MYO1D: variants seen among roughly 807,000 people sequenced by gnomAD.
MYO1D encodes myosin ID.
A neutral mutation model predicts 122.0 loss-of-function variants in MYO1D; 83 were observed. The observed-to-expected ratio is 0.68, with a 90% confidence interval of 0.57 to 0.82. MYO1D has a LOEUF of 0.82. Ranked by LOEUF, MYO1D falls within the 40% of genes least tolerant of loss-of-function variation. The probability of loss-of-function intolerance (pLI) is 0.00; values close to 1 mark genes in which losing one functional copy is unlikely to be tolerated. For synonymous variants in MYO1D, 464 were observed against 446.9 expected (o/e 1.04, Z -0.48); for missense variants, 1,157 against 1,269.5 (o/e 0.91, Z 1.35).
chr17:32,564,172 G>A (rs62062500), intron 21 of MYO1D, among the ~76,000 whole-genome samples: 16,991 of 152,266 alleles, frequency 0.11, 1,039 homozygotes, highest in South Asian at 0.18. Flanking sequence ...CTGCCTGGGG[G>A]CAGTAAGCAG....
chr17:32,534,347 T>A lies in MYO1D; in HGVS notation c.2865-39432A>T, dbSNP rs138085915. Reference sequence around the variant, plus strand: ...ATACCCACCTAATTTTTTAATTTTTTATTTTTATAGAGATAAGGTCTTGCT... The same window carrying A: ...ATACCCACCTAATTTTTTAATTTTTAATTTTTATAGAGATAAGGTCTTGCT... On this transcript the variant is annotated intron_variant, in intron 21 of 21. Coordinates refer to ENST00000318217, the MANE Select transcript of MYO1D (RefSeq NM_015194.3). Among the ~76,000 whole-genome samples the A allele has an allele frequency of 4.4e-3, 671 of 152,278 alleles. 7 individuals carry two copies. Among genetic ancestry groups the A allele is most frequent in the African/African-American group, 0.014 (585 of 41,548 alleles).
chr17:32,665,650 C>A (rs2088626585), intron 16 of MYO1D, among the ~76,000 whole-genome samples: 1 of 152,176 alleles, frequency 6.6e-6, no homozygotes, highest in Admixed American at 6.6e-5. Flanking sequence ...TGTATTGCAC[C>A]TGTTACCTCT....
At position 32,658,973 on chromosome 17, in the gene MYO1D, C is replaced by G. The variant is rs540668581; in HGVS notation, c.2345+142G>C. The G allele has an allele frequency of 3.1e-4, 261 of 839,758 alleles. No homozygotes were observed. The African/African-American group carries it at 4.3e-3, about 14-fold the overall frequency. The allele number at this position is 839,758 out of a possible 1,614,324, so 52.0% of individuals were successfully genotyped here. On this transcript the variant is annotated intron_variant, in intron 17 of 21. Coordinates refer to ENST00000318217, the MANE Select transcript of MYO1D (RefSeq NM_015194.3). ...AGCAGATGCTCTTTGAAAGCCAAAT[C>G]TACAAAACTGAAAACATAAGGTAAA...
chr17:32,739,806 C>G (rs1349325600), intron 13 of MYO1D, among the ~76,000 whole-genome samples: 1 of 151,976 alleles, frequency 6.6e-6, no homozygotes, highest in Non-Finnish European at 1.5e-5. Flanking sequence ...TGTAGGTGCT[C>G]AAAATAATAG....
At chr17:32,836,238 A>G (rs1310338385) in intron 1 of MYO1D, among the ~76,000 whole-genome samples, 1 of 152,188 alleles carries the variant, frequency 6.6e-6, no homozygotes, top group Non-Finnish European at 1.5e-5. Flanking sequence ...TCTAACAACA[A>G]TCCTGCAAGT....
In MYO1D at chr17:32,778,700, A is replaced by AT. The variant is rs375609935; in HGVS notation, c.305-128dup. The AT allele has an allele frequency of 1.3e-4, 113 of 894,354 alleles. 1 individual carries two copies. Among genetic ancestry groups the AT allele is most frequent in the African/African-American group, 2.2e-4 (13 of 59,128 alleles). 55.4% of individuals were successfully genotyped at this position (894,354 alleles called of 1,614,324 possible). On this transcript the variant is annotated intron_variant, in intron 2 of 21. Transcript: ENST00000318217. The stretch of plus-strand genomic sequence containing the variant: ...AAAATCCCACATGTTGCACTGTTTC[A>AT]TTTTTTTGCTTTTTTGAGTTATTTC...
Position 32,876,907 on chromosome 17 carries a change from G to A in MYO1D, c.-35C>T. ...GCGGGGGCTCAGGTGGGCGCGCTCGGGCCTCCGGGGCCGCTCCGTGGGCCC... is the reference window on the plus strand; with the variant it reads ...GCGGGGGCTCAGGTGGGCGCGCTCGAGCCTCCGGGGCCGCTCCGTGGGCCC... On this transcript the variant is annotated 5_prime_UTR_variant, in exon 1 of 22. Transcript: ENST00000318217. 10 of 1,360,932 alleles carry A rather than the reference G, an allele frequency of 7.3e-6. No homozygotes were observed. The highest frequency in any genetic ancestry group is 7.8e-6 in the Non-Finnish European group (8 of 1,022,140). 84.3% of individuals were successfully genotyped at this position (1,360,932 alleles called of 1,614,324 possible).
intron 2 of MYO1D, among the ~76,000 whole-genome samples, chr17:32,779,293 T>C (rs2090211884): frequency 6.6e-6 from 1 of 152,080 alleles, no homozygotes; most frequent in African/African-American, 2.4e-5. Flanking sequence ...CTGTAAGTCA[T>C]GGCTAAAATC....
intron 1 of MYO1D, among the ~76,000 whole-genome samples, chr17:32,875,931 T>G (rs1286144921): frequency 6.6e-6 from 1 of 152,226 alleles, no homozygotes; most frequent in East Asian, 1.9e-4. Flanking sequence ...TGTTTACATA[T>G]TACTCTATCA....
intron 1 of MYO1D, among the ~76,000 whole-genome samples, chr17:32,862,503 T>C (rs915180079): frequency 6.6e-6 from 1 of 152,242 alleles, no homozygotes; most frequent in Non-Finnish European, 1.5e-5. Context: ...TGCCAAAGTT[T>C]TGAATATGTA....
intron 20 of MYO1D, among the ~76,000 whole-genome samples, chr17:32,629,709 T>G (rs2087978033): frequency 1.4e-5 from 2 of 141,670 alleles, no homozygotes; most frequent in Non-Finnish European, 1.5e-5. Context: ...CCAGCCTGGG[T>G]GACAAAGCGA....
rs916247492 is a variant in MYO1D, at chr17:32,780,878, A to C, written c.96-94T>G. The C allele has an allele frequency of 3.3e-6, 4 of 1,208,096 alleles. No homozygotes were observed. In the African/African-American group the frequency reaches 4.5e-5, roughly 14 times the overall value. 74.8% of individuals were successfully genotyped at this position (1,208,096 alleles called of 1,614,324 possible). On this transcript the variant is annotated intron_variant, in intron 1 of 21. Transcript: ENST00000318217. ...GTCTCTTATTTCCAAGGAAGTCCAAATATCCTAGGAATGATTTCTGAACTG... is the reference window on the plus strand; with the variant it reads ...GTCTCTTATTTCCAAGGAAGTCCAACTATCCTAGGAATGATTTCTGAACTG...
In MYO1D at chr17:32,827,403, G is replaced by C. The variant is rs142673917; in HGVS notation, c.96-46619C>G. Among the ~76,000 whole-genome samples, 492 of 152,250 alleles carry C rather than the reference G, an allele frequency of 3.2e-3. 3 individuals carry two copies. The highest frequency in any genetic ancestry group is 5.0e-3 in the Non-Finnish European group (343 of 68,018). On this transcript the variant is annotated intron_variant, in intron 1 of 21. Transcript: ENST00000318217. ...ATGGTGGTTACCAGGGTTGTGAAGA[G>C]GGAGGAATGGGAGTTATGGTCCAAT...
At chr17:32,561,075 C>A (rs918040625) in intron 21 of MYO1D, among the ~76,000 whole-genome samples, 5 of 151,756 alleles carry the variant, frequency 3.3e-5, no homozygotes, top group African/African-American at 1.2e-4. Context: ...CCACGCCCGG[C>A]TAATTTTTGT....
intron 20 of MYO1D, chr17:32,627,638 G>C (rs554719265): frequency 1.3e-5 from 2 of 152,118 alleles, no homozygotes; most frequent in East Asian, 3.9e-4. Flanking sequence ...AGAACGAAAG[G>C]AGGTATTTGT....
At chr17:32,582,905 A>G (rs1021384472) in intron 21 of MYO1D, among the ~76,000 whole-genome samples, 1 of 152,202 alleles carries the variant, frequency 6.6e-6, no homozygotes, top group Admixed American at 6.5e-5. Flanking sequence ...TTTAAAACAG[A>G]TAATTGTTTT....
At chr17:32,643,152 A>G (rs907364265) in intron 19 of MYO1D, among the ~76,000 whole-genome samples, 1 of 152,156 alleles carries the variant, frequency 6.6e-6, no homozygotes, top group Non-Finnish European at 1.5e-5. Context: ...AATTTTGTCA[A>G]AGGCCTTTTC....
At chr17:32,532,960 G>T (rs570920121) in intron 21 of MYO1D, among the ~76,000 whole-genome samples, 438 of 152,202 alleles carry the variant, frequency 2.9e-3, no homozygotes, top group Middle Eastern at 0.01. Context: ...ATTGAATTCT[G>T]TCAATAGTTG....
chr17:32,786,711 T>C (rs1336708335), intron 1 of MYO1D, among the ~76,000 whole-genome samples: 5 of 152,010 alleles, frequency 3.3e-5, no homozygotes, highest in African/African-American at 1.2e-4. Flanking sequence ...TCCCAACTAC[T>C]TGGGAGGCTG....
Sources: gnomAD v4.1 joint callset for allele counts (sites outside exome capture counted in the v4.1 genomes callset) on GRCh38, gnomAD v4.1.1 for gene constraint, MANE v1.5 for transcripts, NCBI Gene and HGNC (gene_info 2026-07-23, HGNC 2026-07-21) for gene names.